PEX14: variants seen among roughly 807,000 people sequenced by gnomAD.
The protein encoded by PEX14 is peroxisomal biogenesis factor 14.
PEX14 carries 15 observed loss-of-function variants against 49.5 expected under a neutral mutation model. The observed-to-expected ratio is 0.30, with a 90% CI of 0.20 to 0.47. The LOEUF is 0.47. Ranked by LOEUF, PEX14 falls within the 20% of genes least tolerant of loss-of-function variation. PEX14 has a pLI of 1.00. For missense variants in PEX14, 398 were observed against 494.8 expected (o/e 0.80, Z 1.86); for synonymous variants, 210 against 212.7 (o/e 0.99, Z 0.11).
At chr1:10,509,812 A>G (rs1641852184) in intron 2 of PEX14, among the ~76,000 whole-genome samples, 1 of 152,246 alleles carries the variant, frequency 6.6e-6, no homozygotes, top group Non-Finnish European at 1.5e-5. Context: ...GGAGGAGAAA[A>G]TTGAGTTTCT....
At chr1:10,608,910 T>G (rs1321425071) in intron 4 of PEX14, among the ~76,000 whole-genome samples, 2 of 152,190 alleles carry the variant, frequency 1.3e-5, no homozygotes, top group African/African-American at 4.8e-5. Context: ...GCCCATTTAC[T>G]GTTAATCCCT....
At chr1:10,484,682 C>T (rs1448976326) in intron 1 of PEX14, among the ~76,000 whole-genome samples, 3 of 151,616 alleles carry the variant, frequency 2.0e-5, no homozygotes, top group African/African-American at 7.3e-5. Context: ...GGCTGAGTCT[C>T]ACCAGGCTAC....
chr1:10,564,263 CT>C (rs1345689249), intron 3 of PEX14, among the ~76,000 whole-genome samples: 2 of 152,020 alleles, frequency 1.3e-5, no homozygotes, highest in Non-Finnish European at 2.9e-5. Context: ...TTTCCATGTT[CT>C]TTATGTCTTT....
intron 2 of PEX14, among the ~76,000 whole-genome samples, chr1:10,496,083 T>A (rs1183584665): frequency 6.6e-6 from 1 of 152,186 alleles, no homozygotes; most frequent in East Asian, 1.9e-4. Context: ...GGGCCTGTGG[T>A]TTCACCTGTT....
intron 3 of PEX14, among the ~76,000 whole-genome samples, chr1:10,556,813 C>T (rs777071169): frequency 6.6e-6 from 1 of 152,176 alleles, no homozygotes; most frequent in Non-Finnish European, 1.5e-5. Flanking sequence ...ATCCTCAGAG[C>T]ACCCTGGGGA....
chr1:10,616,485 C>T (rs1204073077), intron 4 of PEX14, among the ~76,000 whole-genome samples: 1 of 152,218 alleles, frequency 6.6e-6, no homozygotes, highest in Non-Finnish European at 1.5e-5. Flanking sequence ...TTCCCTCTCC[C>T]CCTTTCTCCC....
Position 10,494,724 on chromosome 1 carries a change from C to T in PEX14, c.37-550C>T, listed in dbSNP as rs982811954. Among the ~76,000 whole-genome samples the T allele has an allele frequency of 1.2e-4, 18 of 152,140 alleles. No individual in the cohort carries two copies. Among genetic ancestry groups the T allele is most frequent in the African/African-American group, 4.3e-4 (18 of 41,416 alleles). On this transcript the variant is annotated intron_variant, in intron 1 of 8. Coordinates refer to ENST00000356607, the MANE Select transcript of PEX14 (RefSeq NM_004565.3). This position sits in a 1 kb window ranked among gnomAD's most constrained non-coding sequence, Gnocchi z 4.3. ...TTTCTTTACTATTGTGGGGTGGTGT[C>T]CTTAGTGGCAGGTGATGAATAGGAA...
At chr1:10,595,634 G>A (rs1640813674) in intron 3 of PEX14, among the ~76,000 whole-genome samples, 1 of 152,216 alleles carries the variant, frequency 6.6e-6, no homozygotes, top group South Asian at 2.1e-4. Flanking sequence ...AGCAGCTAAA[G>A]GAGGACTTAG....
chr1:10,592,433 A>G (rs148483533), intron 3 of PEX14, among the ~76,000 whole-genome samples: 1 of 152,240 alleles, frequency 6.6e-6, no homozygotes, highest in African/African-American at 2.4e-5. Context: ...AAACCTTTAG[A>G]TTATATAGAT....
rs776943500 is a variant in PEX14, at chr1:10,590,069, C to A, written c.170-9169C>A. ...GCCTGGGCCTGGGGTCCGAGCCTGG[C>A]CCTCCACCCTGCAGCAGTGAGATCT... On this transcript the variant is annotated intron_variant, in intron 3 of 8. Transcript: ENST00000356607. Among the ~76,000 whole-genome samples, 45 of 152,326 alleles carry A rather than the reference C, an allele frequency of 3.0e-4. 1 individual carries two copies. Among genetic ancestry groups the A allele is most frequent in the Non-Finnish European group, 5.4e-4 (37 of 68,024 alleles).
At chr1:10,556,208 C>G (rs1339792823) in intron 3 of PEX14, among the ~76,000 whole-genome samples, 3 of 152,136 alleles carry the variant, frequency 2.0e-5, no homozygotes, top group Non-Finnish European at 4.4e-5. Flanking sequence ...AGCAGCATAA[C>G]CTTTGTCTTT....
In PEX14 at chr1:10,629,805, G is replaced by C; in HGVS notation, c.952G>C (p.Glu318Gln). Residue 318 changes from glutamate (E) to glutamine (Q), a missense_variant, in exon 9 of 9, where the codon GAG becomes CAG. This residue lies in a region of PEX14 where 140 missense variants were observed against 155.5 expected (regional missense o/e 0.90). Coordinates refer to ENST00000356607, the MANE Select transcript of PEX14 (RefSeq NM_004565.3). The surrounding 1 kb of genome is among the most constrained non-coding windows in gnomAD (Gnocchi z 8.5). ...QVRMEVQGEE[E>Q]KREDKEDEED... The stretch of plus-strand genomic sequence containing the variant: ...GCGGATGGAGGTGCAAGGCGAGGAG[G>C]AGAAGAGGGAGGACAAGGAGGACGA... 2 of 1,588,190 alleles carry C rather than the reference G, an allele frequency of 1.3e-6. No homozygotes were observed. Among genetic ancestry groups the C allele is most frequent in the Non-Finnish European group, 1.7e-6 (2 of 1,161,820 alleles).
At chr1:10,542,175 C>A (rs766671879) in intron 3 of PEX14, among the ~76,000 whole-genome samples, 10 of 151,988 alleles carry the variant, frequency 6.6e-5, no homozygotes, top group Non-Finnish European at 1.2e-4. Flanking sequence ...AAAAATAAGT[C>A]TTCTCTTCTC....
At chr1:10,615,295 G>A (rs1242978118) in intron 4 of PEX14, among the ~76,000 whole-genome samples, 4 of 152,222 alleles carry the variant, frequency 2.6e-5, no homozygotes, top group Non-Finnish European at 4.4e-5. Flanking sequence ...CAGACAGCGG[G>A]CTAATATCCC....
chr1:10,518,824 C>T (rs976296469), intron 2 of PEX14, among the ~76,000 whole-genome samples: 3 of 152,170 alleles, frequency 2.0e-5, no homozygotes, highest in African/African-American at 4.8e-5. Flanking sequence ...GATGCTTCTC[C>T]TTCCCTTCCT....
In PEX14 at chr1:10,628,176, T is replaced by C. The variant is rs1011137720; in HGVS notation, c.677+813T>C. Among the ~76,000 whole-genome samples the C allele has an allele frequency of 2.0e-5, 3 of 152,378 alleles. No homozygotes were observed. The South Asian group carries it at 6.2e-4, about 32-fold the overall frequency. On this transcript the variant is annotated intron_variant, in intron 8 of 8. Transcript: ENST00000356607. The surrounding 1 kb of genome is among the most constrained non-coding windows in gnomAD (Gnocchi z 4.5). ...GTCTTGAATTCCCGACCTCAGGTCA[T>C]CTGCCCATGGCCTCCCAAAGTGCTG...
chr1:10,554,731 A>G (rs1480489326), intron 3 of PEX14, among the ~76,000 whole-genome samples: 1 of 134,722 alleles, frequency 7.4e-6, no homozygotes, highest in Non-Finnish European at 1.6e-5. Flanking sequence ...TTTTTTTTTT[A>G]AAGACAGAGC....
intron 2 of PEX14, among the ~76,000 whole-genome samples, chr1:10,526,163 G>A (rs1018589610): frequency 1.3e-5 from 2 of 149,896 alleles, no homozygotes; most frequent in Non-Finnish European, 1.5e-5. Context: ...CTCGTGATCC[G>A]CCCGCCTCAG....
chr1:10,560,366 T>C (rs1186824954), intron 3 of PEX14, among the ~76,000 whole-genome samples: 1 of 150,596 alleles, frequency 6.6e-6, no homozygotes, highest in African/African-American at 2.5e-5. Flanking sequence ...CTTCCATCTT[T>C]TATATTTAAC....
Sources: gnomAD v4.1 joint callset for allele counts (sites outside exome capture counted in the v4.1 genomes callset) on GRCh38, gnomAD v4.1.1 for gene constraint, gnomAD v4.1.1 regional missense constraint, Gnocchi (gnomAD v3.1) non-coding constraint, MANE v1.5 for transcripts, NCBI Gene and HGNC (gene_info 2026-07-23, HGNC 2026-07-21) for gene names.